Variants in PIP4K2A observed in about 807,000 individuals in gnomAD.
The protein encoded by PIP4K2A is phosphatidylinositol-5-phosphate 4-kinase type 2 alpha.
A neutral mutation model predicts 42.9 loss-of-function variants in PIP4K2A; 14 were observed. The ratio of observed to expected loss-of-function variants is 0.33; its 90% CI spans 0.22 to 0.51. The LOEUF is 0.51. PIP4K2A is among the 20% of genes least tolerant of loss of function. The pLI, the probability that PIP4K2A is intolerant of heterozygous loss-of-function variation, is 0.97. For synonymous variants in PIP4K2A, 192 were observed against 192.2 expected (o/e 1.00, Z 0.01); for missense variants, 434 against 519.8 (o/e 0.83, Z 1.61).
chr10:22,676,669 G>A (rs1588701310), intron 1 of PIP4K2A, among the ~76,000 whole-genome samples: 1 of 152,158 alleles, frequency 6.6e-6, no homozygotes, highest in Non-Finnish European at 1.5e-5. Flanking sequence ...TGATGAATCA[G>A]AGAACAAGAA....
intron 1 of PIP4K2A, among the ~76,000 whole-genome samples, chr10:22,676,238 T>G (rs1564464192): frequency 6.6e-6 from 1 of 152,120 alleles, no homozygotes; most frequent in South Asian, 2.1e-4. Context: ...TTGACCAACT[T>G]ACATTAAACA....
chr10:22,686,146 A>G (rs371895890), intron 1 of PIP4K2A, among the ~76,000 whole-genome samples: 60 of 152,296 alleles, frequency 3.9e-4, no homozygotes, highest in East Asian at 1.7e-3. Flanking sequence ...ACTTGGAAAC[A>G]TGCTGAACCG....
At chr10:22,599,401 C>A (rs867980096) in intron 3 of PIP4K2A, among the ~76,000 whole-genome samples, 12 of 152,184 alleles carry the variant, frequency 7.9e-5, no homozygotes, top group Admixed American at 7.2e-4. Flanking sequence ...ATGGATGTAA[C>A]CATACATTAC....
intron 1 of PIP4K2A, among the ~76,000 whole-genome samples, chr10:22,679,753 A>G (rs533209969): frequency 8.1e-4 from 123 of 152,318 alleles, no homozygotes; most frequent in Non-Finnish European, 1.4e-3. Context: ...TATTGTTACA[A>G]GGTACAATGT....
chr10:22,634,116 CTGATATTTCACAGA>C (rs1838611302), intron 1 of PIP4K2A, among the ~76,000 whole-genome samples: 1 of 152,204 alleles, frequency 6.6e-6, no homozygotes, highest in African/African-American at 2.4e-5. Context: ...GAACCTGCAG[CTGATATTTCACAGA>C]GCAGCTGAGA....
chr10:22,581,131 C>T lies in PIP4K2A; in HGVS notation c.493-7674G>A, dbSNP rs141462902. Among the ~76,000 whole-genome samples the T allele has an allele frequency of 3.3e-3, 311 of 94,248 alleles. 3 individuals carry two copies. The highest frequency in any genetic ancestry group is 0.013 in the African/African-American group (285 of 22,598). The allele number at this position is 94,248 out of a possible 152,430, so 61.8% of individuals were successfully genotyped here. On this transcript the variant is annotated intron_variant, in intron 4 of 9. Coordinates refer to ENST00000376573, the MANE Select transcript of PIP4K2A (RefSeq NM_005028.5). ...CAATACCGAAGAGTGTTCCTTTCAG[C>T]GGCTCCTTGAGTAGGGCTTTTCTTT...
chr10:22,536,956 C>CA lies in PIP4K2A; in HGVS notation c.*244dup. 1 of 377,104 alleles carries CA rather than the reference C, an allele frequency of 2.7e-6. No homozygotes were observed. 23.4% of individuals were successfully genotyped at this position (377,104 alleles called of 1,614,324 possible). Reference sequence around the variant, plus strand: ...TAAAATGCACACGCGCGCACACACTCACCCCCCCCCAACACACACACACAC... The same window carrying CA: ...TAAAATGCACACGCGCGCACACACTCAACCCCCCCCCAACACACACACACAC... On this transcript the variant is annotated 3_prime_UTR_variant, in exon 10 of 10. Transcript: ENST00000376573.
chr10:22,545,102 C>T (rs966706780), intron 7 of PIP4K2A, among the ~76,000 whole-genome samples: 3 of 152,176 alleles, frequency 2.0e-5, no homozygotes, highest in Admixed American at 6.5e-5. Context: ...GGAAAGTATT[C>T]GGCACTTGTT....
chr10:22,672,495 C>A (rs1026546922), intron 1 of PIP4K2A, among the ~76,000 whole-genome samples: 3 of 152,126 alleles, frequency 2.0e-5, no homozygotes, highest in Non-Finnish European at 4.4e-5. Flanking sequence ...TTTTAAATTA[C>A]AATACTTGAA....
chr10:22,679,240 A>T (rs1159970271), intron 1 of PIP4K2A, among the ~76,000 whole-genome samples: 1 of 152,222 alleles, frequency 6.6e-6, no homozygotes, highest in East Asian at 1.9e-4. Context: ...CAACCTAATT[A>T]AAAAATGGGC....
intron 1 of PIP4K2A, among the ~76,000 whole-genome samples, chr10:22,660,621 T>G (rs1238621863): frequency 6.6e-6 from 1 of 152,072 alleles, no homozygotes; most frequent in East Asian, 1.9e-4. Flanking sequence ...CAGCCCTATC[T>G]CACTTTGCAC....
At chr10:22,572,508 C>T (rs142368004) in intron 5 of PIP4K2A, among the ~76,000 whole-genome samples, 213 of 151,968 alleles carry the variant, frequency 1.4e-3, no homozygotes, top group African/African-American at 4.6e-3. Context: ...GTCCCAGCTA[C>T]GTGGGAGGAC....
intron 1 of PIP4K2A, among the ~76,000 whole-genome samples, chr10:22,645,116 A>T (rs1226338543): frequency 6.6e-6 from 1 of 152,240 alleles, no homozygotes; most frequent in East Asian, 1.9e-4. Context: ...CAAAATTTTG[A>T]TCTTTTAAAA....
At chr10:22,616,169 T>C (rs556305363) in intron 1 of PIP4K2A, among the ~76,000 whole-genome samples, 3 of 152,200 alleles carry the variant, frequency 2.0e-5, no homozygotes, top group East Asian at 1.9e-4. Flanking sequence ...GATTATGGTA[T>C]GACTCAAGAG....
At chr10:22,604,622 A>T (rs914447518) in intron 3 of PIP4K2A, among the ~76,000 whole-genome samples, 1 of 152,150 alleles carries the variant, frequency 6.6e-6, no homozygotes, top group Non-Finnish European at 1.5e-5. Context: ...GTCAGTTGGG[A>T]AAGAGTATTC....
intron 4 of PIP4K2A, among the ~76,000 whole-genome samples, chr10:22,585,289 T>G (rs911709076): frequency 2.6e-4 from 39 of 152,168 alleles, no homozygotes; most frequent in African/African-American, 9.2e-4. Flanking sequence ...TCCTTGAAAT[T>G]TGAGGTGCTG....
chr10:22,591,128 A>G (rs558749704), intron 4 of PIP4K2A, among the ~76,000 whole-genome samples: 1 of 152,328 alleles, frequency 6.6e-6, no homozygotes, highest in South Asian at 2.1e-4. Context: ...CTCGGGGATG[A>G]AAAGGGGGCA....
chr10:22,578,974 T>G (rs1228587301), intron 4 of PIP4K2A, among the ~76,000 whole-genome samples: 1 of 152,114 alleles, frequency 6.6e-6, no homozygotes, highest in Non-Finnish European at 1.5e-5. Context: ...AATTCTAGAT[T>G]TTGAAAGCAG....
rs761758796 is a variant in PIP4K2A at position 22,618,497 on chromosome 10, G to A, written c.145-8780C>T. ...TTTTGTCCCTGTCCCGCAAACAGAA[G>A]GGCCCTGCAGTTGTGATCAGAACTT... On this transcript the variant is annotated intron_variant, in intron 1 of 9. Coordinates refer to ENST00000376573, the MANE Select transcript of PIP4K2A (RefSeq NM_005028.5). 5.3e-5 allele frequency among the ~76,000 whole-genome samples: 8 copies of A among 152,170 alleles called. 1 individual carries two copies. Among genetic ancestry groups the A allele is most frequent in the Middle Eastern group, 6.3e-3 (2 of 316 alleles).
Sources: allele counts gnomAD v4.1 joint callset (sites outside exome capture counted in the v4.1 genomes callset), GRCh38; gene constraint gnomAD v4.1.1; transcripts MANE v1.5; gene names NCBI Gene and HGNC (gene_info 2026-07-23, HGNC 2026-07-21).